The following NALF1 variants were observed in gnomAD, a reference collection of about 807,000 sequenced individuals.
NALF1 encodes the protein NALCN channel auxiliary factor 1.
In NALF1, 3 loss-of-function variants were observed where a neutral mutation model predicts 48.4. The observed-to-expected ratio is 0.06, with a 90% confidence interval of 0.03 to 0.16. The LOEUF (loss-of-function observed/expected upper bound fraction) is 0.16, where lower values mean the gene tolerates loss of function less well. Ranked by LOEUF, NALF1 falls within the 10% of genes least tolerant of loss-of-function variation. The probability of loss-of-function intolerance (pLI) is 1.00; values close to 1 mark genes in which losing one functional copy is unlikely to be tolerated. For missense variants in NALF1, 526 were observed against 571.5 expected, an observed-to-expected ratio of 0.92 and a Z score of 0.81; for synonymous variants, 262 against 245.7, an observed-to-expected ratio of 1.07 and a Z score of -0.62.
intron 1 of NALF1, among the ~76,000 whole-genome samples, chr13:107,834,186 G>A (rs1400115056): frequency 6.6e-6 from 1 of 152,144 alleles, no homozygotes; most frequent in Non-Finnish European, 1.5e-5. Flanking sequence ...GGGAGAACAT[G>A]CATAGGTTAG....
At chr13:107,814,488 T>C (rs1344141216) in intron 1 of NALF1, among the ~76,000 whole-genome samples, 1 of 152,084 alleles carries the variant, frequency 6.6e-6, no homozygotes, top group East Asian at 1.9e-4. Context: ...TGGAGAAAGG[T>C]ATATTATGCG....
chr13:107,298,488 C>A (rs1184884928), intron 1 of NALF1, among the ~76,000 whole-genome samples: 1 of 151,298 alleles, frequency 6.6e-6, no homozygotes, highest in African/African-American at 2.4e-5. Context: ...CTAGAGTGCA[C>A]TGGTGCAATC....
intron 1 of NALF1, among the ~76,000 whole-genome samples, chr13:107,801,293 A>T (rs1056070882): frequency 1.1e-4 from 17 of 152,202 alleles, no homozygotes; most frequent in Admixed American, 2.6e-4. Flanking sequence ...TGAGGTACCC[A>T]TGCATAGAAA....
intron 1 of NALF1, among the ~76,000 whole-genome samples, chr13:107,761,412 G>C (rs956456140): frequency 6.6e-6 from 1 of 151,940 alleles, no homozygotes; most frequent in Non-Finnish European, 1.5e-5. Flanking sequence ...AGCAGGATTG[G>C]GAAAAATACA....
At chr13:107,187,899 C>A (rs1460752598) in intron 2 of NALF1, among the ~76,000 whole-genome samples, 1 of 152,018 alleles carries the variant, frequency 6.6e-6, no homozygotes, top group East Asian at 1.9e-4. Flanking sequence ...TAGGTTGGTG[C>A]AAAAGTAATT....
At chr13:107,722,618 T>G (rs919084979) in intron 1 of NALF1, among the ~76,000 whole-genome samples, 1 of 152,126 alleles carries the variant, frequency 6.6e-6, no homozygotes, top group East Asian at 1.9e-4. Flanking sequence ...AACGGTTGCC[T>G]ACATCTCTCC....
intron 1 of NALF1, among the ~76,000 whole-genome samples, chr13:107,637,499 A>G (rs1880011104): frequency 1.3e-5 from 2 of 152,158 alleles, no homozygotes; most frequent in Admixed American, 6.5e-5. Context: ...TCCCTGTGTA[A>G]ACAGGCTTTA....
chr13:107,205,472 C>A (rs1005172267), intron 2 of NALF1, among the ~76,000 whole-genome samples: 6 of 152,150 alleles, frequency 3.9e-5, no homozygotes, highest in Non-Finnish European at 7.3e-5. Context: ...CTTTCAGACT[C>A]TCTGCAGGCG....
At chr13:107,717,668 C>T (rs971227166) in intron 1 of NALF1, among the ~76,000 whole-genome samples, 4 of 151,170 alleles carry the variant, frequency 2.6e-5, no homozygotes, top group Non-Finnish European at 4.4e-5. Context: ...ATTTTCAAAA[C>T]GAAAAGGAAA....
intron 1 of NALF1, among the ~76,000 whole-genome samples, chr13:107,587,180 T>C (rs1222390100): frequency 2.0e-5 from 3 of 152,018 alleles, no homozygotes; most frequent in Non-Finnish European, 4.4e-5. Context: ...AGATAGTAGG[T>C]GTAGGACAGT....
intron 1 of NALF1, among the ~76,000 whole-genome samples, chr13:107,417,314 T>C (rs1345636589): frequency 6.6e-6 from 1 of 152,184 alleles, no homozygotes; most frequent in Non-Finnish European, 1.5e-5. Flanking sequence ...GTTCTTGTTC[T>C]ATCAGGTATT....
At chr13:107,696,539 A>G (rs1881702986) in intron 1 of NALF1, among the ~76,000 whole-genome samples, 1 of 145,666 alleles carries the variant, frequency 6.9e-6, no homozygotes, top group African/African-American at 2.6e-5. Context: ...AGTACTTAAC[A>G]TCTCCAAGTT....
At chr13:107,577,866 G>A (rs1445598046) in intron 1 of NALF1, among the ~76,000 whole-genome samples, 1 of 151,982 alleles carries the variant, frequency 6.6e-6, no homozygotes, top group East Asian at 1.9e-4. Flanking sequence ...CGCTTGAGTG[G>A]GCTCCTATCC....
At chr13:107,843,981 C>A (rs1880107190) in intron 1 of NALF1, among the ~76,000 whole-genome samples, 1 of 152,106 alleles carries the variant, frequency 6.6e-6, no homozygotes, top group Non-Finnish European at 1.5e-5. Flanking sequence ...TGAGTTATTT[C>A]CACTCAGTAC....
At chr13:107,345,188 T>C (rs1351601963) in intron 1 of NALF1, among the ~76,000 whole-genome samples, 1 of 152,146 alleles carries the variant, frequency 6.6e-6, no homozygotes, top group East Asian at 1.9e-4. Context: ...AACCATCCTT[T>C]GTTCTTGCAT....
At chr13:107,657,425 T>C (rs1880611820) in intron 1 of NALF1, among the ~76,000 whole-genome samples, 1 of 152,166 alleles carries the variant, frequency 6.6e-6, no homozygotes, top group South Asian at 2.1e-4. Context: ...TAAGTATTTG[T>C]GCATATGTTT....
At chr13:107,262,073 T>C in intron 1 of NALF1, among the ~76,000 whole-genome samples, 1 of 152,150 alleles carries the variant, frequency 6.6e-6, no homozygotes, top group Non-Finnish European at 1.5e-5. Flanking sequence ...ATAAATAAAA[T>C]TCAGCATGCT....
At chr13:107,507,250 G>T (rs552590008) in intron 1 of NALF1, among the ~76,000 whole-genome samples, 53 of 152,130 alleles carry the variant, frequency 3.5e-4, no homozygotes, top group African/African-American at 1.2e-3. Context: ...CAGGTTGTAG[G>T]TAACTACAGG....
chr13:107,762,228 C>T (rs540435970), intron 1 of NALF1, among the ~76,000 whole-genome samples: 262 of 119,700 alleles, frequency 2.2e-3, no homozygotes, highest in Non-Finnish European at 3.6e-3. Context: ...CAAAGGCTCA[C>T]ATTCTATCAG....
Sources: allele counts gnomAD v4.1 joint callset (sites outside exome capture counted in the v4.1 genomes callset), GRCh38; gene constraint gnomAD v4.1.1; transcripts MANE v1.5; gene names NCBI Gene and HGNC (gene_info 2026-07-23, HGNC 2026-07-21).